ADNP: variants seen among roughly 807,000 people sequenced by gnomAD.
ADNP encodes activity-dependent neuroprotector homeobox protein.
ADNP carries 4 observed loss-of-function variants against 84.9 expected under a neutral mutation model. That is an observed-to-expected ratio of 0.05 (90% CI 0.02 to 0.11). The LOEUF is 0.11. ADNP is among the 10% of genes least tolerant of loss of function. ADNP has a pLI of 1.00. For synonymous variants in ADNP, 554 were observed against 468.1 expected (o/e 1.18, Z -2.37); for missense variants, 1,132 against 1,326.0 (o/e 0.85, Z 2.27).
At position 50,892,926 on chromosome 20, in the gene ADNP, C is replaced by G; in HGVS notation, c.1788G>C (p.Lys596Asn). ...CAGGGATATCTGCCTTTTCCTGAAC[C>G]TTTGGCTGTGGCTTTGGAGGAACTG... ...NPPVPPKPQP[K>N]VQEKADIPVK... Residue 596 changes from lysine (K) to asparagine (N), a missense_variant, in exon 6 of 6, where the codon AAG becomes AAC. Lys to Asn is a moderately conservative substitution (Grantham distance 94, BLOSUM62 0). This residue lies in a region of ADNP where 53 missense variants were observed against 39.8 expected (regional missense o/e 1.33). Coordinates refer to ENST00000621696, the MANE Select transcript of ADNP (RefSeq NM_001282531.3). 6.2e-7 allele frequency: 1 copy of G among 1,614,190 alleles called. No individual in the cohort carries two copies. The highest frequency in any genetic ancestry group is 8.5e-7 in the Non-Finnish European group (1 of 1,180,048).
chr20:50,918,047 T>G (rs1402178857), intron 2 of ADNP, among the ~76,000 whole-genome samples: 3 of 152,060 alleles, frequency 2.0e-5, no homozygotes. Flanking sequence ...AGGGGCTGGG[T>G]AAAGGAAGAA....
At chr20:50,914,408 G>A (rs1443610431) in intron 2 of ADNP, 1 of 520,598 alleles carries the variant, frequency 1.9e-6, no homozygotes, top group Non-Finnish European at 3.5e-6. Context: ...AAACAGCTTG[G>A]ATTTCTTCTT....
chr20:50,922,188 G>C (rs1035097062), intron 2 of ADNP, among the ~76,000 whole-genome samples: 7 of 152,170 alleles, frequency 4.6e-5, no homozygotes, highest in Non-Finnish European at 1.0e-4. Flanking sequence ...GACCAAACGT[G>C]TAGGGTTTTT....
At chr20:50,926,805 G>GTA (rs1037025814) in intron 2 of ADNP, among the ~76,000 whole-genome samples, 2 of 152,070 alleles carry the variant, frequency 1.3e-5, no homozygotes, top group African/African-American at 2.4e-5. Flanking sequence ...AAATGCTGAA[G>GTA]TTTTTCTTTT....
rs764340336 is a variant in ADNP at position 50,892,023 on chromosome 20, A to T, written c.2691T>A (p.Phe897Leu). The change falls in exon 6 of 6, where the codon TTT becomes TTA. Residue 897 changes from phenylalanine (F) to leucine (L), a missense_variant. Coordinates refer to ENST00000621696, the MANE Select transcript of ADNP (RefSeq NM_001282531.3). ...CGTTAGAGATTTTAGGTTCAACTTC[A>T]AAAACAGGGTCAAAAGGGCTACCAC... ...NESGSPFDPV[F>L]EVEPKISNDN... 9 of 1,614,180 alleles carry T rather than the reference A, an allele frequency of 5.6e-6. No individual in the cohort carries two copies. The South Asian group carries it at 9.9e-5, about 18-fold the overall frequency.
intron 2 of ADNP, among the ~76,000 whole-genome samples, chr20:50,923,910 A>C (rs1984123998): frequency 6.6e-6 from 1 of 152,202 alleles, no homozygotes; most frequent in Non-Finnish European, 1.5e-5. Context: ...CACTTCTTTC[A>C]CAAGAGCAAG....
chr20:50,891,302 C>A lies in ADNP; in HGVS notation c.*103G>T. 6.9e-7 allele frequency: 1 copy of A among 1,445,822 alleles called. No homozygotes were observed. Among genetic ancestry groups the A allele is most frequent in the Non-Finnish European group, 9.0e-7 (1 of 1,106,020 alleles). 89.6% of individuals were successfully genotyped at this position (1,445,822 alleles called of 1,614,324 possible). On this transcript the variant is annotated 3_prime_UTR_variant, in exon 6 of 6. Transcript: ENST00000621696. ...AGCGGCCACATGCCCCACAGTCCAA[C>A]CAGTACTCACAAGGCAGTACCAGTG...
rs1470157809 is a variant in ADNP, at chr20:50,892,385, T to C, written c.2329A>G (p.Lys777Glu). 1 of 1,614,220 alleles carries C rather than the reference T, an allele frequency of 6.2e-7. No individual in the cohort carries two copies. The highest frequency in any genetic ancestry group is 1.1e-5 in the South Asian group (1 of 91,086). The change falls in exon 6 of 6, where the codon AAA becomes GAA. Residue 777 changes from lysine (K) to glutamate (E), a missense_variant. Transcript: ENST00000621696. ...RKSFLTKYFN[K>E]QPYPTRREIE... ...TCTCTCCTGGTGGGATAGGGCTGTT[T>C]GTTGAAATACTTTGTTAGAAAGCTT...
Position 50,930,939 on chromosome 20 carries a change from C to T in ADNP, c.-378G>A, listed in dbSNP as rs1984703185. ...GGTGGCGGCAGCGGGGAGGGCGCGC[C>T]CGGGGCCTCGTCGCGCTCCGGCTCG... On this transcript the variant is annotated 5_prime_UTR_variant, in exon 1 of 6. Transcript: ENST00000621696. The T allele has an allele frequency of 7.1e-6, 1 of 141,818 alleles. No individual in the cohort carries two copies. The highest frequency in any genetic ancestry group is 7.0e-5 in the Admixed American group (1 of 14,316). The allele number at this position is 141,818 out of a possible 1,614,324, so 8.8% of individuals were successfully genotyped here.
chr20:50,905,648 GA>G (rs1982402257), intron 2 of ADNP: 1 of 152,152 alleles, frequency 6.6e-6, no homozygotes, highest in Non-Finnish European at 1.5e-5. Flanking sequence ...GGCCGAAAAT[GA>G]AAAGTATTTC....
intron 2 of ADNP, among the ~76,000 whole-genome samples, chr20:50,908,307 T>C (rs774616901): frequency 6.6e-6 from 1 of 152,168 alleles, no homozygotes; most frequent in Non-Finnish European, 1.5e-5. Flanking sequence ...TTCTTGTGAG[T>C]GTTTTGAACT....
At chr20:50,914,848 G>T (rs1032477514) in intron 2 of ADNP, among the ~76,000 whole-genome samples, 1 of 152,106 alleles carries the variant, frequency 6.6e-6, no homozygotes, top group Non-Finnish European at 1.5e-5. Context: ...CCAGACAGTT[G>T]TTTTTTTCCC....
At chr20:50,906,827 T>C (rs543050446) in intron 2 of ADNP, among the ~76,000 whole-genome samples, 4 of 150,124 alleles carry the variant, frequency 2.7e-5, no homozygotes, top group African/African-American at 5.1e-5. Flanking sequence ...GGTTTACTTA[T>C]CTATTTTGAA....
At chr20:50,906,720 T>A (rs914825400) in intron 2 of ADNP, among the ~76,000 whole-genome samples, 2 of 152,146 alleles carry the variant, frequency 1.3e-5, no homozygotes, top group African/African-American at 4.8e-5. Context: ...CTGGTAGGTA[T>A]TTTTTTCTGA....
chr20:50,914,809 C>T (rs1303868032), intron 2 of ADNP, among the ~76,000 whole-genome samples: 1 of 152,224 alleles, frequency 6.6e-6, no homozygotes, highest in African/African-American at 2.4e-5. Context: ...AACATCCTAA[C>T]TTGTTTCTCA....
intron 2 of ADNP, chr20:50,913,846 G>A: frequency 3.6e-6 from 2 of 557,282 alleles, no homozygotes; most frequent in Non-Finnish European, 6.8e-6. Context: ...GACCAGGACA[G>A]AAGTGCATTG....
intron 2 of ADNP, among the ~76,000 whole-genome samples, chr20:50,916,210 A>G (rs16995613): frequency 0.036 from 5,455 of 152,276 alleles, 221 homozygotes; most frequent in African/African-American, 0.086. Flanking sequence ...AGTCAAAGTA[A>G]TATTTTTTGT....
intron 2 of ADNP, among the ~76,000 whole-genome samples, chr20:50,922,717 T>A (rs1984039923): frequency 6.6e-6 from 1 of 151,798 alleles, no homozygotes. Context: ...GTAGCTGGGA[T>A]TATAGGCCCC....
At chr20:50,906,389 G>C (rs1212303924) in intron 2 of ADNP, among the ~76,000 whole-genome samples, 1 of 152,200 alleles carries the variant, frequency 6.6e-6, no homozygotes, top group Non-Finnish European at 1.5e-5. Flanking sequence ...TTGTTTCTCT[G>C]TTCATTTCAT....
Sources: allele counts gnomAD v4.1 joint callset (sites outside exome capture counted in the v4.1 genomes callset), GRCh38; gene constraint gnomAD v4.1.1; regional missense constraint gnomAD v4.1.1; transcripts MANE v1.5; gene names NCBI Gene and HGNC (gene_info 2026-07-23, HGNC 2026-07-21).